The following WDR43 variants were observed in gnomAD, a reference collection of about 807,000 sequenced individuals.
The protein encoded by WDR43 is WD repeat-containing protein 43.
A neutral mutation model predicts 91.4 loss-of-function variants in WDR43; 13 were observed. That is an observed-to-expected ratio of 0.14 (90% confidence interval 0.09 to 0.23). The LOEUF (loss-of-function observed/expected upper bound fraction) is 0.23. Among genes scored for constraint, WDR43 ranks in the 10% least tolerant of loss-of-function variants. The pLI is 1.00. For synonymous variants in WDR43, 331 were observed against 287.9 expected (o/e 1.15, Z -1.51); for missense variants, 780 against 809.4 (o/e 0.96, Z 0.44).
intron 2 of WDR43, 33 bp downstream of exon 2, chr2:28,902,157 G>A (rs1386341280): frequency 1.4e-5 from 21 of 1,521,910 alleles, no homozygotes; most frequent in Non-Finnish European, 1.9e-5. Flanking sequence ...TAAAAGTGAT[G>A]TGACAGGGAA....
chr2:28,900,845 AC>A (rs1670567289), intron 1 of WDR43, among the ~76,000 whole-genome samples: 1 of 152,246 alleles, frequency 6.6e-6, no homozygotes, highest in East Asian at 1.9e-4. Context: ...TAAGTAGGTT[AC>A]CTTTTTTTGT....
chr2:28,936,967 G>C lies in WDR43; in HGVS notation c.1556+14G>C. 6.4e-7 allele frequency: 1 copy of C among 1,565,316 alleles called. No homozygotes were observed. On this transcript the variant is annotated intron_variant, in intron 13 of 17. Transcript: ENST00000407426. Reference sequence around the variant, plus strand: ...ACATCCTAATAGGTAAGATTAAACAGGTGACTTAAAAACAGTGTTGTCTGA... The same window carrying C: ...ACATCCTAATAGGTAAGATTAAACACGTGACTTAAAAACAGTGTTGTCTGA...
At position 28,920,778 on chromosome 2, in the gene WDR43, G is replaced by T. The variant is rs191888412; in HGVS notation, c.850-2141G>T. Among the ~76,000 whole-genome samples, 11 of 152,122 alleles carry T rather than the reference G, an allele frequency of 7.2e-5. No individual in the cohort carries two copies. The East Asian group carries it at 1.9e-3, about 27-fold the overall frequency. The stretch of plus-strand genomic sequence containing the variant: ...TGCAAACTCTGCCTCCCAGGTTCGA[G>T]CATTTCTTCTGTCTCAGCCTCCTGG... On this transcript the variant is annotated intron_variant, in intron 6 of 17. Transcript: ENST00000407426.
intron 6 of WDR43, among the ~76,000 whole-genome samples, chr2:28,919,022 C>G (rs1670969772): frequency 6.6e-6 from 1 of 152,118 alleles, no homozygotes; most frequent in Non-Finnish European, 1.5e-5. Flanking sequence ...ATGTTTCTGG[C>G]TGGGTGTGGT....
intron 9 of WDR43, 107 bp downstream of exon 9, chr2:28,926,661 C>T: frequency 1.1e-6 from 1 of 927,024 alleles, no homozygotes; most frequent in East Asian, 2.7e-5. Context: ...TCTTTAATAT[C>T]TTTATTCTCT....
intron 11 of WDR43, among the ~76,000 whole-genome samples, chr2:28,932,323 C>G (rs2148195111): frequency 6.6e-6 from 1 of 152,226 alleles, no homozygotes; most frequent in East Asian, 1.9e-4. Flanking sequence ...GCCACCACAC[C>G]CAGCTAATTT....
chr2:28,941,344 A>G, intron 14 of WDR43, 117 bp from the exon 15 acceptor site: 1 of 657,302 alleles, frequency 1.5e-6, no homozygotes, highest in Non-Finnish European at 2.6e-6. Flanking sequence ...CACTGGGAGT[A>G]CTTGTAAGCA....
At chr2:28,895,107 C>T (rs1670451563) in intron 1 of WDR43, 184 bp downstream of exon 1, 2 of 509,940 alleles carry the variant, frequency 3.9e-6, no homozygotes, top group East Asian at 4.0e-5. Flanking sequence ...GCCGCGAGGG[C>T]AGTGAGGGAG....
chr2:28,912,534 C>A, intron 3 of WDR43, 56 bp from the exon 4 acceptor site: 1 of 1,571,986 alleles, frequency 6.4e-7, no homozygotes, highest in South Asian at 1.2e-5. Context: ...ATTTTCTGCT[C>A]TGAGTAAAGT....
chr2:28,938,454 A>G (rs1013255949), intron 14 of WDR43, among the ~76,000 whole-genome samples: 3 of 108,158 alleles, frequency 2.8e-5, no homozygotes, highest in Admixed American at 1.8e-4. Flanking sequence ...TTGATTACCT[A>G]TGGAAATAGA....
intron 1 of WDR43, among the ~76,000 whole-genome samples, chr2:28,898,916 T>C (rs1296360385): frequency 6.6e-6 from 1 of 152,234 alleles, no homozygotes; most frequent in Non-Finnish European, 1.5e-5. Flanking sequence ...CTTCATCCCA[T>C]CTGTACAACT....
At chr2:28,933,561 C>G (rs557614537) in intron 11 of WDR43, among the ~76,000 whole-genome samples, 1 of 152,138 alleles carries the variant, frequency 6.6e-6, no homozygotes, top group Non-Finnish European at 1.5e-5. Flanking sequence ...AACTTCTGTT[C>G]TTGGAAAAAC....
chr2:28,908,992 CA>C (rs1490068106), intron 3 of WDR43, among the ~76,000 whole-genome samples: 1 of 151,904 alleles, frequency 6.6e-6, no homozygotes, highest in Non-Finnish European at 1.5e-5. Context: ...GTTTTCATTT[CA>C]TTAGTTACTA....
intron 5 of WDR43, among the ~76,000 whole-genome samples, chr2:28,916,405 C>T (rs1396283585): frequency 1.3e-5 from 2 of 152,012 alleles, no homozygotes; most frequent in Non-Finnish European, 2.9e-5. Flanking sequence ...TCCTTCACAT[C>T]CTCATCAACA....
intron 11 of WDR43, among the ~76,000 whole-genome samples, chr2:28,932,916 T>C (rs1160371933): frequency 6.6e-6 from 1 of 152,192 alleles, no homozygotes; most frequent in Non-Finnish European, 1.5e-5. Context: ...TACCAAAAAA[T>C]ACCTAGGGTA....
At chr2:28,923,209 T>C (rs927200091) in intron 7 of WDR43, among the ~76,000 whole-genome samples, 1 of 152,230 alleles carries the variant, frequency 6.6e-6, no homozygotes, top group Non-Finnish European at 1.5e-5. Flanking sequence ...CCTTAGTACA[T>C]GTTGGATAAT....
At chr2:28,895,903 C>T (rs1178079869) in intron 1 of WDR43, 3 of 152,136 alleles carry the variant, frequency 2.0e-5, no homozygotes, top group Admixed American at 1.3e-4. Context: ...ACTGTAAAAG[C>T]TATTTAGGAT....
chr2:28,945,836 T>C (rs1037245323), intron 16 of WDR43, among the ~76,000 whole-genome samples: 12 of 152,252 alleles, frequency 7.9e-5, no homozygotes, highest in Non-Finnish European at 1.5e-4. Context: ...TCATTATTAG[T>C]ACTTTATGGG....
intron 6 of WDR43, among the ~76,000 whole-genome samples, chr2:28,921,648 G>T (rs1402685257): frequency 6.6e-6 from 1 of 152,194 alleles, no homozygotes; most frequent in Admixed American, 6.5e-5. Flanking sequence ...ATGCCTGTCA[G>T]TTGGAGTTGC....
Sources: gnomAD v4.1 joint callset for allele counts (sites outside exome capture counted in the v4.1 genomes callset) on GRCh38, gnomAD v4.1.1 for gene constraint, MANE v1.5 for transcripts, NCBI Gene and HGNC (gene_info 2026-07-23, HGNC 2026-07-21) for gene names.